The following DNER variants were observed in gnomAD, a reference collection of about 807,000 sequenced individuals.
The protein encoded by DNER is delta and Notch-like epidermal growth factor-related receptor.
Under a neutral mutation model 78.2 loss-of-function variants are expected in DNER, and 33 were observed. The observed-to-expected ratio is 0.42, with a 90% CI of 0.32 to 0.56. The LOEUF (loss-of-function observed/expected upper bound fraction) is 0.56. Ranked by LOEUF, DNER falls within the 20% of genes least tolerant of loss-of-function variation. The probability of loss-of-function intolerance (pLI) is 0.11; values close to 1 mark genes in which losing one functional copy is unlikely to be tolerated. For synonymous variants in DNER, 417 were observed against 384.8 expected (o/e 1.08, Z -0.98); for missense variants, 918 against 975.3 (o/e 0.94, Z 0.78).
chr2:229,596,173 A>C (rs972579302), intron 1 of DNER, among the ~76,000 whole-genome samples: 3 of 152,200 alleles, frequency 2.0e-5, no homozygotes, highest in African/African-American at 7.2e-5. Flanking sequence ...ATAAACATTT[A>C]CTAAATGAAT....
chr2:229,443,634 T>A (rs1476100276), intron 8 of DNER, among the ~76,000 whole-genome samples: 1 of 152,228 alleles, frequency 6.6e-6, no homozygotes, highest in African/African-American at 2.4e-5. Context: ...CAAAATGGCA[T>A]TTTGTCAGAT....
At chr2:229,631,806 T>C (rs1698437358) in intron 1 of DNER, among the ~76,000 whole-genome samples, 1 of 152,204 alleles carries the variant, frequency 6.6e-6, no homozygotes, top group Admixed American at 6.5e-5. Context: ...AGTAACTTAA[T>C]TGCTCAGTGC....
At chr2:229,508,677 C>G (rs967649087) in intron 6 of DNER, among the ~76,000 whole-genome samples, 1 of 151,950 alleles carries the variant, frequency 6.6e-6, no homozygotes, top group African/African-American at 2.4e-5. Flanking sequence ...GTCAGGAGAT[C>G]GAGACCATCC....
intron 6 of DNER, among the ~76,000 whole-genome samples, chr2:229,479,775 A>G (rs369050663): frequency 3.3e-5 from 5 of 152,076 alleles, no homozygotes; most frequent in Admixed American, 1.3e-4. Context: ...CTTACAGCCT[A>G]TGTGTGGTTG....
intron 5 of DNER, among the ~76,000 whole-genome samples, chr2:229,517,696 C>T (rs911939333): frequency 5.9e-5 from 9 of 152,196 alleles, no homozygotes; most frequent in Non-Finnish European, 1.3e-4. Context: ...GACCATATTA[C>T]CTCCCAGAAG....
At chr2:229,697,287 C>A (rs576366146) in intron 1 of DNER, among the ~76,000 whole-genome samples, 16 of 152,228 alleles carry the variant, frequency 1.1e-4, no homozygotes, top group African/African-American at 3.9e-4. Context: ...TATGAAATAT[C>A]GAGAATAAGT....
intron 7 of DNER, among the ~76,000 whole-genome samples, chr2:229,460,088 C>T (rs1033100769): frequency 2.3e-5 from 3 of 128,602 alleles, no homozygotes; most frequent in Non-Finnish European, 3.1e-5. Context: ...ACCTGGGAGG[C>T]GGAGCTTGCA....
chr2:229,381,932 A>G (rs113894186), intron 11 of DNER, among the ~76,000 whole-genome samples: 4,472 of 152,330 alleles, frequency 0.029, 96 homozygotes, highest in African/African-American at 0.06. Context: ...GCTCTGTTAA[A>G]GGACAGGCTG....
chr2:229,567,888 A>G (rs139557723), intron 4 of DNER, among the ~76,000 whole-genome samples: 13 of 152,288 alleles, frequency 8.5e-5, no homozygotes, highest in African/African-American at 2.9e-4. Flanking sequence ...AAAGTCTTGT[A>G]CCGCTATCTG....
intron 7 of DNER, among the ~76,000 whole-genome samples, chr2:229,460,310 A>G (rs1050836575): frequency 6.6e-6 from 1 of 151,892 alleles, no homozygotes. Context: ...AGAGAAAATC[A>G]TAAATGTTTT....
intron 8 of DNER, among the ~76,000 whole-genome samples, chr2:229,442,772 A>G (rs1694263734): frequency 6.6e-6 from 1 of 152,148 alleles, no homozygotes; most frequent in Non-Finnish European, 1.5e-5. Context: ...TTCAGGTCTG[A>G]GTTTAACAGA....
In DNER at chr2:229,459,217, G is replaced by A. The variant is rs942602279; in HGVS notation, c.1262-11677C>T. Reference sequence around the variant, plus strand: ...TGATTTACTGCAGTACTAATTATTTGGGGATGCCTATTGTTTATAACTAAA... The same window carrying A: ...TGATTTACTGCAGTACTAATTATTTAGGGATGCCTATTGTTTATAACTAAA... On this transcript the variant is annotated intron_variant, in intron 7 of 12. Coordinates refer to ENST00000341772, the MANE Select transcript of DNER (RefSeq NM_139072.4). Among the ~76,000 whole-genome samples the A allele has an allele frequency of 1.2e-4, 19 of 152,010 alleles. 1 individual carries two copies. Among genetic ancestry groups the A allele is most frequent in the Admixed American group, 9.2e-4 (14 of 15,272 alleles).
At chr2:229,509,418 C>T (rs1023996289) in intron 6 of DNER, among the ~76,000 whole-genome samples, 4 of 152,250 alleles carry the variant, frequency 2.6e-5, no homozygotes, top group Admixed American at 2.0e-4. Flanking sequence ...ATCTCATCAA[C>T]ACATTGACTG....
rs905197027 is a variant in DNER, at chr2:229,647,443, C to T, written c.277-55555G>A. Among the ~76,000 whole-genome samples the T allele has an allele frequency of 2.6e-5, 4 of 152,194 alleles. No homozygotes were observed. In the East Asian group the frequency reaches 7.7e-4, roughly 29 times the overall value. On this transcript the variant is annotated intron_variant, in intron 1 of 12. Transcript: ENST00000341772. The stretch of plus-strand genomic sequence containing the variant: ...CGTTTTGAGAATATTCACATCATTG[C>T]AGGTGGGAACATAAACCCGGAAATG...
intron 6 of DNER, among the ~76,000 whole-genome samples, chr2:229,497,820 A>G (rs1057354131): frequency 6.6e-6 from 1 of 152,156 alleles, no homozygotes; most frequent in Non-Finnish European, 1.5e-5. Flanking sequence ...CCAGTAATAA[A>G]AAAGTCTCCC....
chr2:229,615,845 T>G (rs1574929508), intron 1 of DNER, among the ~76,000 whole-genome samples: 1 of 150,288 alleles, frequency 6.7e-6, no homozygotes, highest in African/African-American at 2.4e-5. Flanking sequence ...CCACAAGAAG[T>G]GAGGGTAGCT....
intron 8 of DNER, among the ~76,000 whole-genome samples, chr2:229,445,331 G>T (rs1169882556): frequency 6.6e-6 from 1 of 152,218 alleles, no homozygotes; most frequent in Non-Finnish European, 1.5e-5. Flanking sequence ...CCCTGGCTCT[G>T]AAGGAGAGCA....
At chr2:229,442,021 T>C (rs1694246359) in intron 8 of DNER, among the ~76,000 whole-genome samples, 1 of 152,200 alleles carries the variant, frequency 6.6e-6, no homozygotes, top group Non-Finnish European at 1.5e-5. Context: ...TCTCCCTTGC[T>C]ACAGATGCAG....
chr2:229,494,634 A>C (rs1695465423), intron 6 of DNER, among the ~76,000 whole-genome samples: 1 of 152,196 alleles, frequency 6.6e-6, no homozygotes, highest in South Asian at 2.1e-4. Flanking sequence ...GAAATCTGGG[A>C]GGCTGTCATA....
Sources: gnomAD v4.1 joint callset for allele counts (sites outside exome capture counted in the v4.1 genomes callset) on GRCh38, gnomAD v4.1.1 for gene constraint, MANE v1.5 for transcripts, NCBI Gene and HGNC (gene_info 2026-07-23, HGNC 2026-07-21) for gene names.